DYNC1H1: variants seen among roughly 807,000 people sequenced by gnomAD.
DYNC1H1 encodes dynein cytoplasmic 1 heavy chain 1.
In DYNC1H1, 51 loss-of-function variants were observed where a neutral mutation model predicts 527.1. The observed-to-expected ratio is 0.10, with a 90% CI of 0.08 to 0.12. DYNC1H1 has a LOEUF of 0.12. Ranked by LOEUF, DYNC1H1 falls within the 10% of genes least tolerant of loss-of-function variation. The probability of loss-of-function intolerance (pLI) is 1.00; values close to 1 mark genes in which losing one functional copy is unlikely to be tolerated. For synonymous variants in DYNC1H1, 2,189 were observed against 2,278.8 expected (o/e 0.96, Z 1.12); for missense variants, 2,771 against 5,971.8 (o/e 0.46, Z 17.66).
At chr14:102,034,555 G>A (rs2048548880) in intron 56 of DYNC1H1, 103 bp downstream of exon 56, 4 of 1,588,464 alleles carry the variant, frequency 2.5e-6, no homozygotes, top group African/African-American at 2.7e-5. Context: ...TAGAAAATGG[G>A]GCGTGGGCAT....
At position 102,000,337 on chromosome 14, in the gene DYNC1H1, A is replaced by G; in HGVS notation, c.4012A>G (p.Lys1338Glu). 10 of 1,614,162 alleles carry G rather than the reference A, an allele frequency of 6.2e-6. No individual in the cohort carries two copies. Among genetic ancestry groups the G allele is most frequent in the South Asian group, 1.1e-5 (1 of 91,080 alleles). The change falls in exon 18 of 78, where the codon AAG becomes GAG. Residue 1338 changes from lysine to glutamate, a missense_variant. By Grantham distance (56) the Lys-to-Glu change is moderately conservative. Around this residue, in one of 32 missense-constraint regions of DYNC1H1, gnomAD observed 223 missense variants for 462.5 expected, o/e 0.48. Coordinates refer to ENST00000360184, the MANE Select transcript of DYNC1H1 (RefSeq NM_001376.5). ...DLKGVWSELSKVWEQIDQMKE... is the reference protein window; with the variant it reads ...DLKGVWSELSEVWEQIDQMKE... ...CAAAGGCGTTTGGTCAGAACTTTCT[A>G]AGGTTTGGGAGCAAATCGATCAGAT...
rs1332342693 is a variant in DYNC1H1 at position 102,034,448 on chromosome 14, A to G, written c.10750A>G (p.Asn3584Asp). 23 of 1,612,572 alleles carry G rather than the reference A, an allele frequency of 1.4e-5. No homozygotes were observed. Among genetic ancestry groups the G allele is most frequent in the Non-Finnish European group, 1.9e-5 (22 of 1,180,028 alleles). Residue 3584 changes from asparagine (N) to aspartate (D), a missense_variant, in exon 56 of 78, where the codon AAT becomes GAT. Physicochemically the swap from Asn to Asp is conservative, Grantham distance 23 (BLOSUM62 1). Coordinates refer to ENST00000360184, the MANE Select transcript of DYNC1H1 (RefSeq NM_001376.5). ...TENAIMLKRF[N>D]RYPLIIDPSG... is the part of the protein sequence containing the mutation. ...AAATGCCATCATGCTGAAACGATTC[A>G]ATAGGTATGAGCTCGGGTGCCAAGG... is the stretch of plus-strand genomic sequence containing the variant.
Position 102,012,042 on chromosome 14 carries a change from C to A in DYNC1H1, c.6786C>A (p.Asp2262Glu). 1 of 1,614,132 alleles carries A rather than the reference C, an allele frequency of 6.2e-7. No individual in the cohort carries two copies. The highest frequency in any genetic ancestry group is 8.5e-7 in the Non-Finnish European group (1 of 1,180,026). ...HIIDPKAISKDHLYGTLDPNT... is the reference protein window; with the variant it reads ...HIIDPKAISKEHLYGTLDPNT... ...TCGACCCCAAGGCCATCAGCAAAGA[C>A]CACCTCTACGGAACCCTGGACCCCA... Residue 2262 changes from aspartate to glutamate, a missense_variant, in exon 33 of 78, where the codon GAC becomes GAA. Physicochemically the swap from Asp to Glu is conservative, Grantham distance 45 (BLOSUM62 2). Coordinates refer to ENST00000360184, the MANE Select transcript of DYNC1H1 (RefSeq NM_001376.5). This position sits in a 1 kb window ranked among gnomAD's most constrained non-coding sequence, Gnocchi z 4.9.
At chr14:102,013,403 GC>G (rs553255843) in intron 34 of DYNC1H1, among the ~76,000 whole-genome samples, 85 of 152,242 alleles carry the variant, frequency 5.6e-4, no homozygotes, top group African/African-American at 1.8e-3. Flanking sequence ...AAAATGTGAA[GC>G]CTTCCCTGAG....
chr14:102,034,081 T>C lies in DYNC1H1; in HGVS notation c.10519T>C (p.Cys3507Arg). ...KNQMSTIAGDCLLSAAFIAYA... is the reference protein window; with the variant it reads ...KNQMSTIAGDRLLSAAFIAYA... ...CCAGATGTCCACCATTGCTGGGGACTGTCTCTTGTCAGCTGCGTTCATTGC... is the reference window on the plus strand; with the variant it reads ...CCAGATGTCCACCATTGCTGGGGACCGTCTCTTGTCAGCTGCGTTCATTGC... The change falls in exon 55 of 78, where the codon TGT becomes CGT. Residue 3507 changes from cysteine to arginine, a missense_variant. By Grantham distance (180) the Cys-to-Arg change is radical. Transcript: ENST00000360184. 6.2e-7 allele frequency: 1 copy of C among 1,614,188 alleles called. No homozygotes were observed. The highest frequency in any genetic ancestry group is 8.5e-7 in the Non-Finnish European group (1 of 1,180,046).
At chr14:101,978,235 A>G (rs1452580517) in intron 2 of DYNC1H1, among the ~76,000 whole-genome samples, 2 of 152,154 alleles carry the variant, frequency 1.3e-5, no homozygotes, top group African/African-American at 4.8e-5. Context: ...TATTTTTAGT[A>G]GAGATGGGGT....
At position 102,015,271 on chromosome 14, in the gene DYNC1H1, C is replaced by T. The variant is rs765368725; in HGVS notation, c.7181C>T (p.Ala2394Val). ...SIPLDEGEDEAQRRRKGKEDE... is the reference protein window; with the variant it reads ...SIPLDEGEDEVQRRRKGKEDE... ...CCGCTGGATGAAGGGGAGGATGAGG[C>T]ACAGCGGCGGCGTAAGGGCAAAGAG... Residue 2394 changes from alanine (A) to valine (V), a missense_variant, in exon 35 of 78, where the codon GCA (alanine) becomes GTA (valine). Coordinates refer to ENST00000360184, the MANE Select transcript of DYNC1H1 (RefSeq NM_001376.5). This position sits in a 1 kb window ranked among gnomAD's most constrained non-coding sequence, Gnocchi z 6.9. The T allele has an allele frequency of 6.2e-7, 1 of 1,614,086 alleles. No individual in the cohort carries two copies. The highest frequency in any genetic ancestry group is 8.5e-7 in the Non-Finnish European group (1 of 1,180,060).
intron 43 of DYNC1H1, among the ~76,000 whole-genome samples, chr14:102,025,423 C>T (rs1377141511): frequency 2.1e-5 from 3 of 144,948 alleles, no homozygotes; most frequent in Non-Finnish European, 4.5e-5. Context: ...AAAAAAATTG[C>T]CAGGTATGGT....
chr14:102,022,351 A>G (rs2048394170), intron 42 of DYNC1H1, among the ~76,000 whole-genome samples: 1 of 151,120 alleles, frequency 6.6e-6, no homozygotes, highest in South Asian at 2.1e-4. Context: ...AATTAAAAAA[A>G]AAAAATTAGC....
Position 102,041,532 on chromosome 14 carries a change from C to G in DYNC1H1, c.11942-42C>G. 6.2e-7 allele frequency: 1 copy of G among 1,612,722 alleles called. No individual in the cohort carries two copies. Among genetic ancestry groups the G allele is most frequent in the Non-Finnish European group, 8.5e-7 (1 of 1,179,964 alleles). On this transcript the variant is annotated intron_variant, in intron 64 of 77. Transcript: ENST00000360184. The surrounding 1 kb of genome is among the most constrained non-coding windows in gnomAD (Gnocchi z 4.5). ...CAGGCAGGGGAGGGCGTCTCTGAGT[C>G]CATGCTTCCACCCAGCACCCACCCC...
In DYNC1H1 at chr14:101,975,737, A is replaced by G. The variant is rs1566995011; in HGVS notation, c.282A>G (p.Glu94=). 3 of 1,613,750 alleles carry G rather than the reference A, an allele frequency of 1.9e-6. No homozygotes were observed. The highest frequency in any genetic ancestry group is 2.5e-6 in the Non-Finnish European group (3 of 1,179,702). The change falls in exon 2 of 78, where the codon GAA becomes GAG. Residue 94 remains glutamate (E), a synonymous_variant. Transcript: ENST00000360184. ...LKEDVGDEGE[E]EKEFISYNIN... ...AGGACGTCGGTGATGAAGGAGAAGA[A>G]GAAAAAGAATTCATTTCCTATAACA...
intron 15 of DYNC1H1, among the ~76,000 whole-genome samples, chr14:101,996,762 C>T (rs1010181708): frequency 1.3e-5 from 2 of 152,116 alleles, no homozygotes; most frequent in Admixed American, 6.6e-5. Context: ...GCTGGGACTA[C>T]AGATACATGC....
Position 102,018,303 on chromosome 14 carries a change from C to A in DYNC1H1, c.8178-148C>A. The A allele has an allele frequency of 8.9e-7, 1 of 1,117,532 alleles. No homozygotes were observed. The highest frequency in any genetic ancestry group is 1.3e-6 in the Non-Finnish European group (1 of 786,376). The allele number at this position is 1,117,532 out of a possible 1,614,324, so 69.2% of individuals were successfully genotyped here. ...CAAGCCTGAGCAGCGTGTGTGTGATCTCAGCTAACACTGATGTCAAGTCTG... is the reference window on the plus strand; with the variant it reads ...CAAGCCTGAGCAGCGTGTGTGTGATATCAGCTAACACTGATGTCAAGTCTG... On this transcript the variant is annotated intron_variant, in intron 40 of 77. Coordinates refer to ENST00000360184, the MANE Select transcript of DYNC1H1 (RefSeq NM_001376.5). The surrounding 1 kb of genome is among the most constrained non-coding windows in gnomAD (Gnocchi z 5.2).
In DYNC1H1 at chr14:101,965,968, G is replaced by A. The variant is rs2047662975; in HGVS notation, c.256+1021G>A. 6.6e-6 allele frequency among the ~76,000 whole-genome samples: 1 copy of A among 152,118 alleles called. No individual in the cohort carries two copies. The highest frequency in any genetic ancestry group is 1.5e-5 in the Non-Finnish European group (1 of 68,034). On this transcript the variant is annotated intron_variant, in intron 1 of 77. Transcript: ENST00000360184. The surrounding 1 kb of genome is among the most constrained non-coding windows in gnomAD (Gnocchi z 4.1). ...TTGCCTGCAGGCAGGCTTTCTCATG[G>A]ATTCATTACAACCACTTTGTAGCCC...
chr14:102,009,967 G>A lies in DYNC1H1; in HGVS notation c.6102G>A (p.Lys2034=). The A allele has an allele frequency of 6.2e-7, 1 of 1,614,122 alleles. No homozygotes were observed. The highest frequency in any genetic ancestry group is 8.5e-7 in the Non-Finnish European group (1 of 1,180,046). The change falls in exon 30 of 78, where the codon AAG becomes AAA. Residue 2034 remains lysine, a synonymous_variant. Coordinates refer to ENST00000360184, the MANE Select transcript of DYNC1H1 (RefSeq NM_001376.5). ...GRSNLPDNLK[K]LFRSLAMTKP... ...CTAACCTTCCTGACAACTTGAAGAA[G>A]CTGTTCCGGAGCTTGGCCATGACCA...
In DYNC1H1 at chr14:102,052,745, C is replaced by G. The variant is rs951993367; in HGVS notation, c.*2182C>G. ...GCTCGGCGGCCCTGGGGGTCTGGTC[C>G]TCCTCCGCCATCCTCGAGTCCTCGG... On this transcript the variant is annotated 3_prime_UTR_variant, in exon 78 of 78. Coordinates refer to ENST00000360184, the MANE Select transcript of DYNC1H1 (RefSeq NM_001376.5). The G allele has an allele frequency of 1.3e-5, 2 of 152,292 alleles. No homozygotes were observed. Among genetic ancestry groups the G allele is most frequent in the African/African-American group, 2.4e-5 (1 of 41,460 alleles). The allele number at this position is 152,292 out of a possible 1,614,324, so 9.4% of individuals were successfully genotyped here.
At chr14:102,023,322 G>A (rs1006196419) in intron 43 of DYNC1H1, 12 of 324,736 alleles carry the variant, frequency 3.7e-5, no homozygotes, top group East Asian at 8.2e-5. Flanking sequence ...AGGCTGAGGC[G>A]GTGGATCACC....
intron 11 of DYNC1H1, 133 bp from the exon 12 acceptor site, chr14:101,994,051 G>A: frequency 7.9e-7 from 1 of 1,270,760 alleles, no homozygotes; most frequent in South Asian, 1.2e-5. Context: ...GCCAGGGTAA[G>A]TGGATGTTAT....
At chr14:102,022,912 C>T in intron 43 of DYNC1H1, 32 bp downstream of exon 43, 1 of 1,613,962 alleles carries the variant, frequency 6.2e-7, no homozygotes, top group African/African-American at 1.3e-5. Context: ...AGACATACTT[C>T]TTTTTCTGCC....
Sources: gnomAD v4.1 joint callset for allele counts (sites outside exome capture counted in the v4.1 genomes callset) on GRCh38, gnomAD v4.1.1 for gene constraint, gnomAD v4.1.1 regional missense constraint, Gnocchi (gnomAD v3.1) non-coding constraint, MANE v1.5 for transcripts, NCBI Gene and HGNC (gene_info 2026-07-23, HGNC 2026-07-21) for gene names.